Variants in CRISP1 observed in about 807,000 individuals in gnomAD.
CRISP1 encodes cysteine-rich secretory protein 1.
In CRISP1, 44 loss-of-function variants were observed where a neutral mutation model predicts 33.1. The ratio of observed to expected loss-of-function variants is 1.33; its 90% CI spans 1.05 to 1.71. CRISP1 has a LOEUF of 1.71. CRISP1 is among the 40% of genes most tolerant of loss of function. The probability of loss-of-function intolerance (pLI) is 0.00; values close to 1 mark genes in which losing one functional copy is unlikely to be tolerated. For missense variants in CRISP1, 390 were observed against 301.2 expected, an observed-to-expected ratio of 1.29 and a Z score of -2.18; for synonymous variants, 103 against 98.7, an observed-to-expected ratio of 1.04 and a Z score of -0.26.
At chr6:49,873,369 C>G (rs941138117) in intron 1 of CRISP1, among the ~76,000 whole-genome samples, 3 of 151,822 alleles carry the variant, frequency 2.0e-5, no homozygotes, top group Admixed American at 2.0e-4. Context: ...AACTAAATGC[C>G]ATTTAATTTG....
rs769941687 is a variant in CRISP1, at chr6:49,838,469, G to C, written c.590C>G (p.Ala197Gly). ...EPYKTGVPCE[A>G]CPSNCEDKLC... is the part of the protein sequence containing the mutation. The stretch of plus-strand genomic sequence containing the variant: ...TTTGTCTTCACAGTTACTTGGGCAG[G>C]CTTCACATGGGACGCCTGTCTTATA... The change falls in exon 7 of 8, where the codon GCC becomes GGC. Residue 197 changes from alanine (A) to glycine (G), a missense_variant. Coordinates refer to ENST00000335847, the MANE Select transcript of CRISP1 (RefSeq NM_001131.3). The C allele has an allele frequency of 6.2e-7, 1 of 1,613,176 alleles. No individual in the cohort carries two copies. Among genetic ancestry groups the C allele is most frequent in the Non-Finnish European group, 8.5e-7 (1 of 1,179,608 alleles).
chr6:49,860,513 A>T (rs1237656708), intron 1 of CRISP1, among the ~76,000 whole-genome samples: 1 of 152,174 alleles, frequency 6.6e-6, no homozygotes, highest in African/African-American at 2.4e-5. Context: ...CAGACTCCTG[A>T]ATGACCACTG....
chr6:49,870,962 G>A (rs992681358), upstream of CRISP1, among the ~76,000 whole-genome samples: 4 of 151,998 alleles, frequency 2.6e-5, no homozygotes, highest in Non-Finnish European at 4.4e-5. Context: ...TTAGCTGGAT[G>A]TGGTTGTGCG....
At chr6:49,843,678 T>C (rs1771066320) in intron 5 of CRISP1, among the ~76,000 whole-genome samples, 1 of 152,230 alleles carries the variant, frequency 6.6e-6, no homozygotes, top group East Asian at 1.9e-4. Context: ...ACTGAGATGC[T>C]GCTTCAACAA....
intron 1 of CRISP1, among the ~76,000 whole-genome samples, chr6:49,874,457 G>T (rs1455578485): frequency 4.6e-5 from 7 of 152,040 alleles, no homozygotes; most frequent in Non-Finnish European, 1.0e-4. Flanking sequence ...GAATGTAAAT[G>T]TTAGAAGTAA....
chr6:49,862,682 A>T (rs1302294955), intron 1 of CRISP1, among the ~76,000 whole-genome samples: 1 of 152,110 alleles, frequency 6.6e-6, no homozygotes, highest in African/African-American at 2.4e-5. Flanking sequence ...GGTTGATCAA[A>T]GTTTAGGGCA....
chr6:49,836,869 C>T (rs958469260), intron 7 of CRISP1, among the ~76,000 whole-genome samples: 1 of 152,104 alleles, frequency 6.6e-6, no homozygotes, highest in African/African-American at 2.4e-5. Flanking sequence ...CTTTTTCCTA[C>T]AATCAGTAAT....
chr6:49,835,598 C>G (rs538506362), intron 7 of CRISP1, among the ~76,000 whole-genome samples, 155 bp from the exon 8 acceptor site: 58 of 152,256 alleles, frequency 3.8e-4, no homozygotes, highest in Admixed American at 2.2e-3. Flanking sequence ...GAATGCAAAA[C>G]AGGTGATAAG....
At chr6:49,839,272 CAAAAAAAAAAAAAAAA>C (rs60021006) in intron 6 of CRISP1, among the ~76,000 whole-genome samples, 17 of 54,868 alleles carry the variant, frequency 3.1e-4, no homozygotes, top group African/African-American at 1.2e-3. Context: ...TTCATATCTA[CAAAAAAAAAAAAAAAA>C]AAAAAAAAAA....
chr6:49,838,523 C>T lies in CRISP1; in HGVS notation c.536G>A (p.Gly179Glu), dbSNP rs752708678. 1 of 1,609,282 alleles carries T rather than the reference C, an allele frequency of 6.2e-7. No homozygotes were observed. The highest frequency in any genetic ancestry group is 1.7e-5 in the Admixed American group (1 of 59,310). ...TTCATTCTTTGTTTCAGGATCATTT[C>T]CCCTTGAATAAAAAAAAGTGATTTC... ...YLYVCHYCHE[G>E]NDPETKNEPY... The change falls in exon 7 of 8, where the codon GGA (glycine) becomes GAA (glutamate). Residue 179 changes from glycine (G) to glutamate (E), a missense_variant and splice_region_variant. Gly to Glu is a moderately conservative substitution (Grantham distance 98). Transcript: ENST00000335847.
intron 5 of CRISP1, among the ~76,000 whole-genome samples, chr6:49,845,172 T>C (rs1771120127): frequency 6.6e-6 from 1 of 152,162 alleles, no homozygotes; most frequent in Admixed American, 6.5e-5. Flanking sequence ...TAAGATTAAA[T>C]AAAGTCATAC....
At chr6:49,852,662 G>A (rs1375646246) in intron 2 of CRISP1, among the ~76,000 whole-genome samples, 1 of 152,146 alleles carries the variant, frequency 6.6e-6, no homozygotes, top group Admixed American at 6.6e-5. Flanking sequence ...CTGTTCATAT[G>A]AGAAAACATC....
intron 1 of CRISP1, among the ~76,000 whole-genome samples, chr6:49,873,540 A>G (rs1771971309): frequency 1.3e-5 from 2 of 152,166 alleles, no homozygotes; most frequent in African/African-American, 2.4e-5. Flanking sequence ...TAATACTTGA[A>G]ATGGTTTCTC....
At chr6:49,852,246 C>T in intron 2 of CRISP1, 117 bp from the exon 3 acceptor site, 1 of 908,194 alleles carries the variant, frequency 1.1e-6, no homozygotes, top group Admixed American at 2.8e-5. Context: ...TGATTTATAG[C>T]ATTTTTGAAT....
chr6:49,873,544 G>A (rs1016831221), intron 1 of CRISP1, among the ~76,000 whole-genome samples: 5 of 152,016 alleles, frequency 3.3e-5, no homozygotes, highest in African/African-American at 1.2e-4. Flanking sequence ...ACTTGAAATG[G>A]TTTCTCACTA....
rs745810049 is a variant in CRISP1 at position 49,848,318 on chromosome 6, A to G, written c.196-19T>C. 9.8e-6 allele frequency: 14 copies of G among 1,432,764 alleles called. No homozygotes were observed. The highest frequency in any genetic ancestry group is 1.3e-5 in the Non-Finnish European group (14 of 1,039,778). 88.8% of individuals were successfully genotyped at this position (1,432,764 alleles called of 1,614,324 possible). A position where few individuals can be genotyped will look rare whatever the true frequency, so the allele number is the denominator to read the frequency against. On this transcript the variant is annotated intron_variant, in intron 3 of 7. Transcript: ENST00000335847. ...TCCAACTCTGTAGTGGAAAGAAAAA[A>G]AAAGCACATGTTCCAATTAATATTT...
chr6:49,835,133 C>G lies in CRISP1; in HGVS notation c.*183G>C. ...CAGGTGTTGGACTTGACCTTTTACTCCAGCACTAAGAAAGTTTAAAACAGT... is the reference window on the plus strand; with the variant it reads ...CAGGTGTTGGACTTGACCTTTTACTGCAGCACTAAGAAAGTTTAAAACAGT... On this transcript the variant is annotated 3_prime_UTR_variant, in exon 8 of 8. Transcript: ENST00000335847. 1 of 536,214 alleles carries G rather than the reference C, an allele frequency of 1.9e-6. No homozygotes were observed. The highest frequency in any genetic ancestry group is 3.2e-6 in the Non-Finnish European group (1 of 315,384). The allele number at this position is 536,214 out of a possible 1,614,324, so 33.2% of individuals were successfully genotyped here.
Position 49,835,421 on chromosome 6 carries a change from A to G in CRISP1, c.645T>C (p.Asp215=), listed in dbSNP as rs561306318. The G allele has an allele frequency of 1.9e-6, 3 of 1,613,792 alleles. No individual in the cohort carries two copies. The African/African-American group carries it at 4.0e-5, about 21-fold the overall frequency. ...CTTGTATGTCACAGTCGAAGTATTCATCATAGTAGATGCAGGGGTTAGCTG... is the reference window on the plus strand; with the variant it reads ...CTTGTATGTCACAGTCGAAGTATTCGTCATAGTAGATGCAGGGGTTAGCTG... ...KLCTNPCIYY[D]EYFDCDIQVH... is the part of the protein sequence containing the mutation. Residue 215 remains aspartate (D), a synonymous_variant, in exon 8 of 8, where the codon GAT becomes GAC. Transcript: ENST00000335847.
upstream of CRISP1, among the ~76,000 whole-genome samples, chr6:49,870,489 C>T (rs1561952200): frequency 6.6e-6 from 1 of 152,086 alleles, no homozygotes; most frequent in East Asian, 1.9e-4. Context: ...GAAGCTGTGG[C>T]CTCAGGTATT....
Sources: gnomAD v4.1 joint callset for allele counts (sites outside exome capture counted in the v4.1 genomes callset) on GRCh38, gnomAD v4.1.1 for gene constraint, MANE v1.5 for transcripts, NCBI Gene and HGNC (gene_info 2026-07-23, HGNC 2026-07-21) for gene names.